Variants in CACNA2D1 observed in about 807,000 individuals in gnomAD.
CACNA2D1 encodes the protein calcium voltage-gated channel auxiliary subunit alpha2delta 1.
In CACNA2D1, 53 loss-of-function variants were observed where a neutral mutation model predicts 171.5. That is an observed-to-expected ratio of 0.31 (90% CI 0.25 to 0.39). CACNA2D1 has a LOEUF of 0.39. Among genes scored for constraint, CACNA2D1 ranks in the 10% least tolerant of loss-of-function variants. CACNA2D1 has a pLI of 1.00. For synonymous variants in CACNA2D1, 442 were observed against 443.1 expected (o/e 1.00, Z 0.03); for missense variants, 903 against 1,299.8 (o/e 0.69, Z 4.69).
chr7:82,371,535 CAAAT>C lies in CACNA2D1; in HGVS notation c.96-21890_96-21887del, dbSNP rs1822409819. Among the ~76,000 whole-genome samples the C allele has an allele frequency of 5.9e-5, 9 of 152,232 alleles. No homozygotes were observed. The South Asian group carries it at 1.9e-3, about 32-fold the overall frequency. On this transcript the variant is annotated intron_variant, in intron 1 of 38. Transcript: ENST00000356860. ...GCTAAGAGTTCGAGCTTAAGGCTGACAAATAAAAGTATTGCTAATCTACAGCCCT... is the reference window on the plus strand; with the variant it reads ...GCTAAGAGTTCGAGCTTAAGGCTGACAAAAGTATTGCTAATCTACAGCCCT...
At chr7:82,063,832 T>C (rs1326691495) in intron 9 of CACNA2D1, among the ~76,000 whole-genome samples, 1 of 151,918 alleles carries the variant, frequency 6.6e-6, no homozygotes, top group Non-Finnish European at 1.5e-5. Context: ...ATTTTTTGTA[T>C]ATCACCATTT....
intron 1 of CACNA2D1, among the ~76,000 whole-genome samples, chr7:82,406,512 G>A (rs1256010906): frequency 6.6e-6 from 1 of 152,168 alleles, no homozygotes; most frequent in South Asian, 2.1e-4. Context: ...CCCACCAACA[G>A]TGCAAAAGTG....
intron 8 of CACNA2D1, among the ~76,000 whole-genome samples, chr7:82,064,749 A>G (rs964055073): frequency 6.6e-6 from 1 of 152,196 alleles, no homozygotes; most frequent in Admixed American, 6.5e-5. Flanking sequence ...CAAAAAATAG[A>G]TAAGTTGCTT....
intron 19 of CACNA2D1, among the ~76,000 whole-genome samples, chr7:81,995,671 C>T (rs1165904432): frequency 1.3e-5 from 2 of 151,780 alleles, no homozygotes; most frequent in Non-Finnish European, 2.9e-5. Context: ...TGGTGGCAGG[C>T]GCCTGTAATC....
intron 10 of CACNA2D1, among the ~76,000 whole-genome samples, chr7:82,049,064 A>G (rs183359933): frequency 3.8e-4 from 57 of 151,330 alleles, no homozygotes; most frequent in Non-Finnish European, 4.9e-4. Context: ...TGTACTTGTC[A>G]ACACCTTCTT....
chr7:82,095,062 C>G (rs2129025721), intron 6 of CACNA2D1, among the ~76,000 whole-genome samples: 1 of 152,258 alleles, frequency 6.6e-6, no homozygotes, highest in East Asian at 1.9e-4. Context: ...TCCTCTCCTA[C>G]TGCTCTTTCA....
At chr7:82,201,073 C>T (rs897556429) in intron 3 of CACNA2D1, among the ~76,000 whole-genome samples, 10 of 152,104 alleles carry the variant, frequency 6.6e-5, no homozygotes, top group African/African-American at 2.4e-4. Flanking sequence ...TTTCTAGTAC[C>T]TCTTGTTCAT....
At chr7:82,270,752 T>C (rs1260854582) in intron 3 of CACNA2D1, among the ~76,000 whole-genome samples, 1 of 152,114 alleles carries the variant, frequency 6.6e-6, no homozygotes, top group African/African-American at 2.4e-5. Context: ...GTTGTGGTCA[T>C]TCTAGTAAAT....
At chr7:82,194,898 G>A (rs936046365) in intron 3 of CACNA2D1, among the ~76,000 whole-genome samples, 2 of 151,916 alleles carry the variant, frequency 1.3e-5, no homozygotes, top group Non-Finnish European at 2.9e-5. Context: ...GCACAAGAAT[G>A]GGGGGCGGGG....
At chr7:82,351,013 A>G (rs1819793594) in intron 1 of CACNA2D1, among the ~76,000 whole-genome samples, 1 of 152,222 alleles carries the variant, frequency 6.6e-6, no homozygotes, top group African/African-American at 2.4e-5. Flanking sequence ...TATTAAAATC[A>G]TTTAACTTGT....
At chr7:82,429,668 T>C (rs1484418281) in intron 1 of CACNA2D1, among the ~76,000 whole-genome samples, 6 of 152,312 alleles carry the variant, frequency 3.9e-5, no homozygotes, top group Admixed American at 3.3e-4. Flanking sequence ...TTATCACGCA[T>C]GATTTGGTCT....
At chr7:82,210,837 G>T (rs188493952) in intron 3 of CACNA2D1, among the ~76,000 whole-genome samples, 1 of 152,210 alleles carries the variant, frequency 6.6e-6, no homozygotes, top group East Asian at 1.9e-4. Context: ...TTGAAAACAA[G>T]AAACTTATGA....
intron 12 of CACNA2D1, among the ~76,000 whole-genome samples, chr7:82,030,205 T>C (rs1425663736): frequency 6.6e-6 from 1 of 151,754 alleles, no homozygotes; most frequent in Non-Finnish European, 1.5e-5. Flanking sequence ...TTAGGATCCA[T>C]ACATAGAAAA....
At chr7:82,033,112 T>C in intron 11 of CACNA2D1, 1 of 466,674 alleles carries the variant, frequency 2.1e-6, no homozygotes, top group Non-Finnish European at 3.9e-6. Context: ...TAAGTCTATC[T>C]CACTTCCTTC....
intron 5 of CACNA2D1, among the ~76,000 whole-genome samples, chr7:82,133,302 T>C (rs1791219983): frequency 6.6e-6 from 1 of 152,182 alleles, no homozygotes; most frequent in African/African-American, 2.4e-5. Context: ...TCACTTTGGC[T>C]CAGAAACTTT....
At chr7:82,225,144 TAAG>T (rs1350550072) in intron 3 of CACNA2D1, among the ~76,000 whole-genome samples, 1 of 152,058 alleles carries the variant, frequency 6.6e-6, no homozygotes, top group Non-Finnish European at 1.5e-5. Context: ...TAAGAAACAA[TAAG>T]AATTATGAAC....
intron 12 of CACNA2D1, among the ~76,000 whole-genome samples, chr7:82,016,687 C>G (rs1204783487): frequency 1.4e-5 from 2 of 140,904 alleles, no homozygotes; most frequent in African/African-American, 2.6e-5. Flanking sequence ...TACGTGTTTG[C>G]TTACATGGAC....
At chr7:82,144,053 A>G (rs551730788) in intron 4 of CACNA2D1, among the ~76,000 whole-genome samples, 47 of 152,164 alleles carry the variant, frequency 3.1e-4, no homozygotes, top group Non-Finnish European at 5.3e-4. Flanking sequence ...ATATTCAAAA[A>G]CTGTATTCCA....
chr7:82,008,277 A>G (rs1408728818), intron 15 of CACNA2D1, among the ~76,000 whole-genome samples: 2 of 152,172 alleles, frequency 1.3e-5, no homozygotes, highest in African/African-American at 2.4e-5. Flanking sequence ...TTGATACTGC[A>G]TATCTGGGAT....
Sources: allele counts gnomAD v4.1 joint callset (sites outside exome capture counted in the v4.1 genomes callset), GRCh38; gene constraint gnomAD v4.1.1; transcripts MANE v1.5; gene names NCBI Gene and HGNC (gene_info 2026-07-23, HGNC 2026-07-21).